XPNPEP3: variants seen among roughly 807,000 people sequenced by gnomAD.
XPNPEP3 encodes xaa-Pro aminopeptidase 3.
XPNPEP3 carries 41 observed loss-of-function variants against 60.0 expected under a neutral mutation model. That is an observed-to-expected ratio of 0.68 (90% CI 0.53 to 0.89). The LOEUF is 0.89. XPNPEP3 is among the 40% of genes least tolerant of loss of function. XPNPEP3 has a pLI of 0.00. For missense variants in XPNPEP3, 598 were observed against 638.9 expected (o/e 0.94, Z 0.69); for synonymous variants, 212 against 223.2 (o/e 0.95, Z 0.45).
intron 1 of XPNPEP3, among the ~76,000 whole-genome samples, 173 bp downstream of exon 1, chr22:40,857,418 A>G (rs1601481071): frequency 6.6e-6 from 1 of 152,196 alleles, no homozygotes; most frequent in African/African-American, 2.4e-5. Context: ...GGGTGGGCCC[A>G]GTGTGTTCTC....
intron 2 of XPNPEP3, among the ~76,000 whole-genome samples, chr22:40,872,387 C>T (rs780621745): frequency 2.0e-5 from 3 of 151,792 alleles, no homozygotes; most frequent in Non-Finnish European, 4.4e-5. Context: ...TTGTCTCACA[C>T]TTGACACTCA....
chr22:40,870,017 T>G, intron 2 of XPNPEP3: 1 of 470,920 alleles, frequency 2.1e-6, no homozygotes, highest in Non-Finnish European at 4.4e-6. Flanking sequence ...TGTTTCTCAG[T>G]GAGGGCTTCC....
chr22:40,879,211 G>A (rs1489564384), intron 2 of XPNPEP3, among the ~76,000 whole-genome samples: 1 of 152,142 alleles, frequency 6.6e-6, no homozygotes, highest in Non-Finnish European at 1.5e-5. Flanking sequence ...GCTCTTCTTG[G>A]CCCCATTTTG....
chr22:40,881,546 A>T lies in XPNPEP3; in HGVS notation c.182-224A>T, dbSNP rs549256671. Among the ~76,000 whole-genome samples the T allele has an allele frequency of 5.8e-4, 89 of 152,258 alleles. 1 individual carries two copies. The highest frequency in any genetic ancestry group is 2.1e-3 in the African/African-American group (87 of 41,546). On this transcript the variant is annotated intron_variant, in intron 2 of 9. Coordinates refer to ENST00000357137, the MANE Select transcript of XPNPEP3 (RefSeq NM_022098.4). ...CTGGAAGAGATCTAAGGGGTCCATG[A>T]TTCCAGATTTCAGGCGGGGCCACAT...
chr22:40,896,022 C>G (rs1159103734), intron 4 of XPNPEP3, among the ~76,000 whole-genome samples: 3 of 152,164 alleles, frequency 2.0e-5, no homozygotes, highest in Admixed American at 6.5e-5. Context: ...TAAAACACAG[C>G]ATTTTGACAT....
intron 8 of XPNPEP3, 99 bp downstream of exon 8, chr22:40,922,612 G>A: frequency 2.8e-6 from 4 of 1,420,422 alleles, no homozygotes; most frequent in African/African-American, 1.4e-5. Context: ...TGGGACAGAT[G>A]TAGTGATTCA....
chr22:40,873,624 G>A (rs1277088693), intron 2 of XPNPEP3, among the ~76,000 whole-genome samples: 1 of 151,748 alleles, frequency 6.6e-6, no homozygotes, highest in African/African-American at 2.4e-5. Context: ...AAAAAAGTAA[G>A]CAAAATTAGC....
In XPNPEP3 at chr22:40,929,293, G is replaced by A. The variant is rs1384445809; in HGVS notation, c.*2858G>A. On this transcript the variant is annotated 3_prime_UTR_variant, in exon 10 of 10. Transcript: ENST00000357137. ...TGCAACCTCCATCTCCCAGGTTCAA[G>A]CGATTCTCCTGCCTCAGCCTCCCGA... 3 of 150,630 alleles carry A rather than the reference G, an allele frequency of 2.0e-5. No homozygotes were observed. Among genetic ancestry groups the A allele is most frequent in the Non-Finnish European group, 4.4e-5 (3 of 68,014 alleles). 9.3% of individuals were successfully genotyped at this position (150,630 alleles called of 1,614,324 possible). A position where few individuals can be genotyped will look rare whatever the true frequency, so the allele number is the denominator to read the frequency against.
chr22:40,888,061 A>G (rs2146255607), intron 4 of XPNPEP3, among the ~76,000 whole-genome samples: 1 of 152,246 alleles, frequency 6.6e-6, no homozygotes, highest in East Asian at 1.9e-4. Context: ...CATCATTCCA[A>G]ATAGAAACTG....
chr22:40,908,660 T>A (rs1358513648), intron 5 of XPNPEP3, among the ~76,000 whole-genome samples: 1 of 152,232 alleles, frequency 6.6e-6, no homozygotes, highest in South Asian at 2.1e-4. Flanking sequence ...CATTTAGATT[T>A]GTAGCTATTT....
rs201967209 is a variant in XPNPEP3 at position 40,907,618 on chromosome 22, C to A, written c.824C>A (p.Ala275Asp). Residue 275 changes from alanine (A) to aspartate (D), a missense_variant, in exon 5 of 10, where the codon GCC (alanine) becomes GAC (aspartate). Transcript: ENST00000357137. ...AFIETMFTSK[A>D]PVEEAFLYAK... is the part of the protein sequence containing the mutation. ...ATAGAAACCATGTTCACCAGTAAAG[C>A]CCCTGTGGAAGAAGCCTTTCTTTAT... The A allele has an allele frequency of 6.2e-7, 1 of 1,614,006 alleles. No homozygotes were observed. The highest frequency in any genetic ancestry group is 8.5e-7 in the Non-Finnish European group (1 of 1,179,968).
At chr22:40,882,783 T>C (rs1351953145) in intron 3 of XPNPEP3, among the ~76,000 whole-genome samples, 1 of 152,124 alleles carries the variant, frequency 6.6e-6, no homozygotes, top group Non-Finnish European at 1.5e-5. Flanking sequence ...TTTAAGAGTT[T>C]TTGGTATAGT....
chr22:40,865,571 A>G (rs2057974389), intron 1 of XPNPEP3, among the ~76,000 whole-genome samples: 1 of 151,378 alleles, frequency 6.6e-6, no homozygotes, highest in South Asian at 2.1e-4. Context: ...CAGGTGATCC[A>G]CTTGCCTCGG....
At chr22:40,866,364 GAAAC>G (rs1290168107) in intron 1 of XPNPEP3, among the ~76,000 whole-genome samples, 2 of 151,918 alleles carry the variant, frequency 1.3e-5, no homozygotes, top group Non-Finnish European at 2.9e-5. Context: ...GAAGACATCT[GAAAC>G]AAGCAGAACA....
chr22:40,883,666 T>G (rs771756532), intron 3 of XPNPEP3, among the ~76,000 whole-genome samples: 1 of 152,174 alleles, frequency 6.6e-6, no homozygotes, highest in Non-Finnish European at 1.5e-5. Context: ...CTGGCCATAG[T>G]TGAGTTCTTG....
intron 2 of XPNPEP3, among the ~76,000 whole-genome samples, chr22:40,878,662 C>T: frequency 6.6e-6 from 1 of 151,676 alleles, no homozygotes; most frequent in Non-Finnish European, 1.5e-5. Flanking sequence ...TCTCAGCTCA[C>T]TGCAACCTCT....
At chr22:40,869,363 C>T (rs1331585162) in intron 2 of XPNPEP3, among the ~76,000 whole-genome samples, 2 of 151,968 alleles carry the variant, frequency 1.3e-5, no homozygotes, top group African/African-American at 4.8e-5. Flanking sequence ...ATTGACAATA[C>T]TAGTCTAGAA....
chr22:40,869,921 A>G (rs376329967), intron 2 of XPNPEP3: 3 of 374,060 alleles, frequency 8.0e-6, no homozygotes, highest in African/African-American at 2.2e-5. Context: ...TGTATTTGCC[A>G]TATAAGCATA....
chr22:40,897,175 C>T (rs957615688), intron 4 of XPNPEP3, among the ~76,000 whole-genome samples: 1 of 151,824 alleles, frequency 6.6e-6, no homozygotes, highest in East Asian at 1.9e-4. Context: ...CTACAGGCAC[C>T]CGCCATCACG....
Sources: gnomAD v4.1 joint callset for allele counts (sites outside exome capture counted in the v4.1 genomes callset) on GRCh38, gnomAD v4.1.1 for gene constraint, MANE v1.5 for transcripts, NCBI Gene and HGNC (gene_info 2026-07-23, HGNC 2026-07-21) for gene names.